The following BUB1 variants were observed in gnomAD, a reference collection of about 807,000 sequenced individuals.
BUB1 encodes mitotic checkpoint serine/threonine-protein kinase BUB1.
A neutral mutation model predicts 135.2 loss-of-function variants in BUB1; 84 were observed. That is an observed-to-expected ratio of 0.62 (90% CI 0.52 to 0.74). The LOEUF is 0.74. BUB1 is among the 30% of genes least tolerant of loss of function. The pLI is 0.00. For missense variants in BUB1, 1,162 were observed against 1,288.3 expected (o/e 0.90, Z 1.50); for synonymous variants, 403 against 434.4 (o/e 0.93, Z 0.90).
chr2:110,652,934 C>T (rs973584040), intron 17 of BUB1, among the ~76,000 whole-genome samples: 1 of 152,188 alleles, frequency 6.6e-6, no homozygotes, highest in African/African-American at 2.4e-5. Context: ...ACAATGGTAC[C>T]TTTGTCAAAA....
Position 110,657,146 on chromosome 2 carries a change from A to C in BUB1, c.1617-29T>G, listed in dbSNP as rs372495659. On this transcript the variant is annotated intron_variant, in intron 14 of 24. Coordinates refer to ENST00000302759, the MANE Select transcript of BUB1 (RefSeq NM_004336.5). ...AGGAAAGATTTGCTAAATTATAAAT[A>C]GTAAAATATGCTAAGGAAATAAATG... The C allele has an allele frequency of 1.9e-6, 3 of 1,565,378 alleles. No individual in the cohort carries two copies. In the African/African-American group the frequency reaches 4.1e-5, roughly 21 times the overall value.
rs1553515511 is a variant in BUB1 at position 110,649,391 on chromosome 2, G to GGA, written c.2204-15_2204-14insTC. ...CAACAATGAAGTCTTAAAGGAATGA[G>GGA]AAAAAAAAAAAAAAAGGGAACATGA... On this transcript the variant is annotated splice_polypyrimidine_tract_variant and intron_variant, in intron 18 of 24. Coordinates refer to ENST00000302759, the MANE Select transcript of BUB1 (RefSeq NM_004336.5). 174 of 1,128,494 alleles carry GGA rather than the reference G, an allele frequency of 1.5e-4. No homozygotes were observed. The African/African-American group carries it at 3.6e-3, about 23-fold the overall frequency. The allele number at this position is 1,128,494 out of a possible 1,614,324, so 69.9% of individuals were successfully genotyped here. A position where few individuals can be genotyped will look rare whatever the true frequency, so the allele number is the denominator to read the frequency against.
At position 110,648,409 on chromosome 2, in the gene BUB1, T is replaced by C. The variant is rs1689699056; in HGVS notation, c.2347+825A>G. 6.6e-6 allele frequency among the ~76,000 whole-genome samples: 1 copy of C among 152,084 alleles called. No individual in the cohort carries two copies. Among genetic ancestry groups the C allele is most frequent in the Non-Finnish European group, 1.5e-5 (1 of 68,004 alleles). On this transcript the variant is annotated intron_variant, in intron 19 of 24. Transcript: ENST00000302759. This position sits in a 1 kb window ranked among gnomAD's most constrained non-coding sequence, Gnocchi z 4.2. Reference sequence around the variant, plus strand: ...TGGGGGACAAGGAGGAAGGGATGAATAGGTGAGGCACAGGGGATTTTTAGG... The same window carrying C: ...TGGGGGACAAGGAGGAAGGGATGAACAGGTGAGGCACAGGGGATTTTTAGG...
In BUB1 at chr2:110,649,190, A is replaced by G. The variant is rs749517237; in HGVS notation, c.2347+44T>C. 41 of 1,570,924 alleles carry G rather than the reference A, an allele frequency of 2.6e-5. No individual in the cohort carries two copies. The East Asian group carries it at 9.0e-4, about 34-fold the overall frequency. ...ACACACGTTACCATCAACTTCTCAT[A>G]GAGAAACAAGAATTTAAAGTTATAT... On this transcript the variant is annotated intron_variant, in intron 19 of 24. Coordinates refer to ENST00000302759, the MANE Select transcript of BUB1 (RefSeq NM_004336.5).
intron 13 of BUB1, 79 bp downstream of exon 13, chr2:110,658,331 C>T (rs373518655): frequency 1.7e-6 from 2 of 1,181,790 alleles, no homozygotes; most frequent in Non-Finnish European, 1.2e-6. Context: ...GGCAGGGTCA[C>T]CTCTTAAATA....
chr2:110,641,161 G>T lies in BUB1; in HGVS notation c.2828C>A (p.Ala943Glu). The change falls in exon 23 of 25, where the codon GCA becomes GAA. Residue 943 changes from alanine to glutamate, a missense_variant. Ala to Glu is a moderately radical substitution (Grantham distance 107). Coordinates refer to ENST00000302759, the MANE Select transcript of BUB1 (RefSeq NM_004336.5). Reference protein sequence around the residue: ...DDEDDLSAGLALIDLGQSIDM... With the variant: ...DDEDDLSAGLELIDLGQSIDM... ...TATACTCTGACCCAGGTCAATCAGT[G>T]CCAAGCCAGCAGATAAATCATCTTC... 5.6e-6 allele frequency: 9 copies of T among 1,609,742 alleles called. No homozygotes were observed. The highest frequency in any genetic ancestry group is 7.6e-6 in the Non-Finnish European group (9 of 1,178,718).
At chr2:110,670,679 C>A (rs748089132) in intron 4 of BUB1, 111 bp from the exon 5 acceptor site, 3 of 1,078,940 alleles carry the variant, frequency 2.8e-6, no homozygotes, top group Non-Finnish European at 4.1e-6. Flanking sequence ...TAAAGTCTGA[C>A]GTCAAGAGAG....
At position 110,672,728 on chromosome 2, in the gene BUB1, T is replaced by C. The variant is rs1411964638; in HGVS notation, c.355A>G (p.Ser119Gly). The change falls in exon 4 of 25, where the codon AGT becomes GGT. Residue 119 changes from serine to glycine, a missense_variant. Ser to Gly is a moderately conservative substitution (Grantham distance 56). Transcript: ENST00000302759. ...TGAATTCCTCTCTGAAGGACAGCAC[T>C]GGCATGCTGCAGCTCTCCTTGGGCT... ...LEAQGELQHA[S>G]AVLQRGIQNQ... is the part of the protein sequence containing the mutation. The C allele has an allele frequency of 1.4e-5, 22 of 1,613,936 alleles. No individual in the cohort carries two copies. Among genetic ancestry groups the C allele is most frequent in the Non-Finnish European group, 1.8e-5 (21 of 1,179,974 alleles).
At chr2:110,671,876 T>C (rs1488332704) in intron 4 of BUB1, among the ~76,000 whole-genome samples, 1 of 152,244 alleles carries the variant, frequency 6.6e-6, no homozygotes, top group Non-Finnish European at 1.5e-5. Flanking sequence ...CTAAGTGAGA[T>C]ATGTTTAATC....
chr2:110,647,433 CTTAA>C (rs746366986), intron 19 of BUB1, among the ~76,000 whole-genome samples: 9 of 152,040 alleles, frequency 5.9e-5, no homozygotes, highest in South Asian at 2.1e-4. Context: ...TAGTTCAACA[CTTAA>C]TTAATTAATT....
At chr2:110,657,745 C>A (rs1341556343) in intron 13 of BUB1, 100 bp from the exon 14 acceptor site, 7 of 778,622 alleles carry the variant, frequency 9.0e-6, no homozygotes, top group Non-Finnish European at 1.4e-5. Context: ...TAACAGCTGA[C>A]AGAAAAGAAC....
At chr2:110,667,750 G>A (rs377525168) in intron 7 of BUB1, 45 bp from the exon 8 acceptor site, 1 of 1,609,406 alleles carries the variant, frequency 6.2e-7, no homozygotes, top group Non-Finnish European at 8.5e-7. Context: ...GTACCTAAGA[G>A]CACTTAAAGG....
chr2:110,664,575 CTTTTT>C (rs559654974), intron 9 of BUB1, among the ~76,000 whole-genome samples: 2 of 135,822 alleles, frequency 1.5e-5, no homozygotes, highest in Admixed American at 7.4e-5. Context: ...CTGCTGTTGC[CTTTTT>C]TTTTTTTTTT....
rs1158368682 is a variant in BUB1 at position 110,657,633 on chromosome 2, G to T, written c.1529C>A (p.Ser510Ter). ...CTTATTGACTCCCCAAGCCCCAGATGACCTTACATTTTCTGCAACAGAATA... is the reference window on the plus strand; with the variant it reads ...CTTATTGACTCCCCAAGCCCCAGATTACCTTACATTTTCTGCAACAGAATA... The part of the protein sequence containing the change: ...FEAQFQKNVR[S>*]SGAWGVNKII... Residue 510 changes from serine to a stop codon, truncating the protein, a stop_gained, in exon 14 of 25, where the codon TCA becomes TAA. Transcript: ENST00000302759. LOFTEE classifies it high-confidence loss of function. 6.3e-7 allele frequency: 1 copy of T among 1,576,526 alleles called. No homozygotes were observed. Among genetic ancestry groups the T allele is most frequent in the Non-Finnish European group, 8.6e-7 (1 of 1,161,454 alleles).
Position 110,670,593 on chromosome 2 carries a change from A to G in BUB1, c.423-25T>C, listed in dbSNP as rs371401406. Reference sequence around the variant, plus strand: ...CCTAAATGACAGCAGAAAAGGCATCAATGTAGATTATAAACTTACAGTACA... The same window carrying G: ...CCTAAATGACAGCAGAAAAGGCATCGATGTAGATTATAAACTTACAGTACA... On this transcript the variant is annotated intron_variant, in intron 4 of 24. Coordinates refer to ENST00000302759, the MANE Select transcript of BUB1 (RefSeq NM_004336.5). The G allele has an allele frequency of 4.3e-6, 7 of 1,611,918 alleles. No homozygotes were observed. In the Admixed American group the frequency reaches 1.2e-4, roughly 27 times the overall value.
chr2:110,639,908 G>A, intron 23 of BUB1, 60 bp from the exon 24 acceptor site: 1 of 1,332,486 alleles, frequency 7.5e-7, no homozygotes. Flanking sequence ...ACTATATCAA[G>A]ATGCCTGTCT....
chr2:110,677,421 T>C (rs1690620300), intron 1 of BUB1, among the ~76,000 whole-genome samples: 1 of 152,176 alleles, frequency 6.6e-6, no homozygotes, highest in African/African-American at 2.4e-5. Flanking sequence ...GTGGGAACTT[T>C]AAGTAAAAAG....
chr2:110,644,057 G>A (rs1190272294), intron 19 of BUB1, among the ~76,000 whole-genome samples: 1 of 14,848 alleles, frequency 6.7e-5, no homozygotes, highest in East Asian at 1.0e-3. Flanking sequence ...AAACTGAAAT[G>A]CAAAAAAAAA....
At position 110,641,460 on chromosome 2, in the gene BUB1, G is replaced by T; in HGVS notation, c.2630C>A (p.Ala877Asp). The T allele has an allele frequency of 1.9e-6, 3 of 1,605,152 alleles. No individual in the cohort carries two copies. Among genetic ancestry groups the T allele is most frequent in the Non-Finnish European group, 2.5e-6 (3 of 1,177,374 alleles). Residue 877 changes from alanine to aspartate, a missense_variant, in exon 22 of 25, where the codon GCC becomes GAC. Transcript: ENST00000302759. ...ELYSYGTLLN[A>D]INLYKNTPEK... is the part of the protein sequence containing the mutation. ...AGGGGTATTTTTATAGAGGTTAATGGCATTCTAGGAACAATGGAAAGTGGA... is the reference window on the plus strand; with the variant it reads ...AGGGGTATTTTTATAGAGGTTAATGTCATTCTAGGAACAATGGAAAGTGGA...
Sources: allele counts gnomAD v4.1 joint callset (sites outside exome capture counted in the v4.1 genomes callset), GRCh38; gene constraint gnomAD v4.1.1; non-coding constraint Gnocchi (gnomAD v3.1); transcripts MANE v1.5; gene names NCBI Gene and HGNC (gene_info 2026-07-23, HGNC 2026-07-21).